ZNF500: variants seen among roughly 807,000 people sequenced by gnomAD.
The protein encoded by ZNF500 is zinc finger protein 500, also known as zinc finger protein with KRAB and SCAN domains 18.
ZNF500 carries 31 observed loss-of-function variants against 30.1 expected under a neutral mutation model. That is an observed-to-expected ratio of 1.03 (90% confidence interval 0.77 to 1.39). The LOEUF (loss-of-function observed/expected upper bound fraction) is 1.39, where lower values mean the gene tolerates loss of function less well. ZNF500 is among the 40% of genes most tolerant of loss of function. The probability of loss-of-function intolerance (pLI) is 0.00; values close to 1 mark genes in which losing one functional copy is unlikely to be tolerated. For synonymous variants in ZNF500, 392 were observed against 282.0 expected (o/e 1.39, Z -3.91); for missense variants, 817 against 657.8 (o/e 1.24, Z -2.65).
downstream of ZNF500, among the ~76,000 whole-genome samples, chr16:4,745,549 C>T (rs1429470791): frequency 6.6e-6 from 1 of 152,238 alleles, no homozygotes; most frequent in African/African-American, 2.4e-5. Flanking sequence ...GCCTGCCCTC[C>T]CCACACTTTG....
In ZNF500 at chr16:4,752,075, C is replaced by G; in HGVS notation, c.*301G>C. On this transcript the variant is annotated 3_prime_UTR_variant, in exon 6 of 6. Coordinates refer to ENST00000219478, the MANE Select transcript of ZNF500 (RefSeq NM_021646.4). Reference sequence around the variant, plus strand: ...TCCCAGGCCCTTCAGGAGCCAGCCCCACGAACACCTTGAGTGTCGGCTTCT... The same window carrying G: ...TCCCAGGCCCTTCAGGAGCCAGCCCGACGAACACCTTGAGTGTCGGCTTCT... The G allele has an allele frequency of 1.0e-5, 13 of 1,306,460 alleles. No individual in the cohort carries two copies. The highest frequency in any genetic ancestry group is 1.3e-5 in the Non-Finnish European group (13 of 1,030,530). The allele number at this position is 1,306,460 out of a possible 1,614,324, so 80.9% of individuals were successfully genotyped here. A position where few individuals can be genotyped will look rare whatever the true frequency, so the allele number is the denominator to read the frequency against.
downstream of ZNF500, chr16:4,747,550 G>A (rs750677403): frequency 6.8e-6 from 11 of 1,612,498 alleles, no homozygotes; most frequent in East Asian, 2.2e-5. Context: ...CAAGAGGCAG[G>A]CCCAGAGCCC....
chr16:4,758,587 C>T (rs2082163429), intron 5 of ZNF500: 1 of 152,194 alleles, frequency 6.6e-6, no homozygotes, highest in South Asian at 2.1e-4. Flanking sequence ...CTGTGCACCG[C>T]AGGAGGTTGG....
At chr16:4,759,214 C>CA (rs1182056296) in intron 5 of ZNF500, among the ~76,000 whole-genome samples, 11,426 of 110,878 alleles carry the variant, frequency 0.1, 1,487 homozygotes, top group African/African-American at 0.32. Flanking sequence ...GACTTCATCT[C>CA]AAAAAAAAAA....
downstream of ZNF500, chr16:4,747,364 G>GCTT: frequency 6.3e-7 from 1 of 1,589,348 alleles, no homozygotes; most frequent in Non-Finnish European, 8.6e-7. Context: ...GGAAAAGCCA[G>GCTT]CTTCTCCAGC....
chr16:4,746,951 T>A (rs2082024613), downstream of ZNF500: 1 of 1,464,342 alleles, frequency 6.8e-7, no homozygotes, highest in African/African-American at 1.4e-5. Flanking sequence ...CCTCTGACAG[T>A]GAGGAGGAGG....
rs996552719 is a variant in ZNF500 at position 4,749,411 on chromosome 16, G to A, written c.*2965C>T. On this transcript the variant is annotated 3_prime_UTR_variant, in exon 6 of 6. Coordinates refer to ENST00000219478, the MANE Select transcript of ZNF500 (RefSeq NM_021646.4). ...TCCAAGTTCAACTCTGAATTACTGTGTCTGTCAAGGCAAGGGGAGTGAGGT... is the reference window on the plus strand; with the variant it reads ...TCCAAGTTCAACTCTGAATTACTGTATCTGTCAAGGCAAGGGGAGTGAGGT... 3 of 154,548 alleles carry A rather than the reference G, an allele frequency of 1.9e-5. No individual in the cohort carries two copies. The highest frequency in any genetic ancestry group is 2.9e-5 in the Non-Finnish European group (2 of 68,230). 9.6% of individuals were successfully genotyped at this position (154,548 alleles called of 1,614,324 possible).
Position 4,752,467 on chromosome 16 carries a change from T to C in ZNF500, c.1352A>G (p.Asp451Gly). ...ACGRGFRRGT[D>G]LHKHQRTHMG... ...GTGGGTCCGCTGGTGCTTGTGCAGG[T>C]CGGTGCCCCGGCGGAAGCCCCGGCC... is the stretch of plus-strand genomic sequence containing the variant. Residue 451 changes from aspartate to glycine, a missense_variant, in exon 6 of 6, where the codon GAC becomes GGC. Physicochemically the swap from Asp to Gly is moderately conservative, Grantham distance 94 (BLOSUM62 -1). Coordinates refer to ENST00000219478, the MANE Select transcript of ZNF500 (RefSeq NM_021646.4). 6.5e-7 allele frequency: 1 copy of C among 1,543,884 alleles called. No homozygotes were observed. The highest frequency in any genetic ancestry group is 8.7e-7 in the Non-Finnish European group (1 of 1,149,454).
intron 2 of ZNF500, among the ~76,000 whole-genome samples, 185 bp downstream of exon 2, chr16:4,765,380 G>C (rs1406882360): frequency 6.6e-6 from 1 of 152,196 alleles, no homozygotes; most frequent in African/African-American, 2.4e-5. Context: ...GGGGTAGGAT[G>C]AGGTTAATCA....
chr16:4,751,427 G>T lies in ZNF500; in HGVS notation c.*949C>A. On this transcript the variant is annotated 3_prime_UTR_variant, in exon 6 of 6. Transcript: ENST00000219478. Reference sequence around the variant, plus strand: ...CCGTCACATCCCAGGCAACATGTCAGGAAGATGGAACTCAGGGGTGCTTTC... The same window carrying T: ...CCGTCACATCCCAGGCAACATGTCATGAAGATGGAACTCAGGGGTGCTTTC... 1.4e-6 allele frequency: 1 copy of T among 718,190 alleles called. No homozygotes were observed. Among genetic ancestry groups the T allele is most frequent in the Admixed American group, 3.0e-5 (1 of 32,966 alleles). 44.5% of individuals were successfully genotyped at this position (718,190 alleles called of 1,614,324 possible).
Position 4,751,373 on chromosome 16 carries a change from T to C in ZNF500, c.*1003A>G, listed in dbSNP as rs1596492655. 1.8e-6 allele frequency: 1 copy of C among 557,974 alleles called. No individual in the cohort carries two copies. Among genetic ancestry groups the C allele is most frequent in the Non-Finnish European group, 3.1e-6 (1 of 317,734 alleles). 34.6% of individuals were successfully genotyped at this position (557,974 alleles called of 1,614,324 possible). ...AAGGGGCCAGGAGCAAACGCAGCCCTGGGCCCCGGCCCTGGGGAGATGTCA... is the reference window on the plus strand; with the variant it reads ...AAGGGGCCAGGAGCAAACGCAGCCCCGGGCCCCGGCCCTGGGGAGATGTCA... On this transcript the variant is annotated 3_prime_UTR_variant, in exon 6 of 6. Coordinates refer to ENST00000219478, the MANE Select transcript of ZNF500 (RefSeq NM_021646.4).
chr16:4,764,137 G>C, intron 2 of ZNF500: 2 of 977,420 alleles, frequency 2.0e-6, no homozygotes, highest in Non-Finnish European at 2.4e-6. Context: ...GTGTCAGAAG[G>C]GTCCTGTCTG....
chr16:4,747,308 C>T (rs376752805), downstream of ZNF500: 778 of 1,525,670 alleles, frequency 5.1e-4, no homozygotes, highest in Middle Eastern at 8.9e-4. Flanking sequence ...GCGGCCCCCA[C>T]GGGGTTGAGT....
intron 5 of ZNF500, among the ~76,000 whole-genome samples, chr16:4,755,559 C>G (rs1245611553): frequency 6.6e-6 from 1 of 152,146 alleles, no homozygotes; most frequent in Non-Finnish European, 1.5e-5. Context: ...TCAGGTGACC[C>G]AACCGCCTTG....
At chr16:4,744,956 C>G (rs61231109), downstream of ZNF500, 2 of 1,613,900 alleles carry the variant, frequency 1.2e-6, no homozygotes, top group East Asian at 2.2e-5. Flanking sequence ...TGCTTGTGCC[C>G]GGAAGGTGCC....
downstream of ZNF500, among the ~76,000 whole-genome samples, chr16:4,745,938 G>A (rs370692264): frequency 7.4e-6 from 1 of 134,240 alleles, no homozygotes; most frequent in Admixed American, 8.2e-5. Context: ...GGGCGACAGA[G>A]CAAGACTCTG....
chr16:4,758,818 G>A (rs539898018), intron 5 of ZNF500, among the ~76,000 whole-genome samples: 17 of 152,046 alleles, frequency 1.1e-4, no homozygotes, highest in South Asian at 2.1e-4. Context: ...GGCAACAAAA[G>A]AAAAAAACGA....
In ZNF500 at chr16:4,763,235, T is replaced by C. The variant is rs545285887; in HGVS notation, c.415-479A>G. ...CAACATGGTGAAACCCCATCTCTACTAAAAATACAAAAATTAGCCAGGCAT... is the reference window on the plus strand; with the variant it reads ...CAACATGGTGAAACCCCATCTCTACCAAAAATACAAAAATTAGCCAGGCAT... On this transcript the variant is annotated intron_variant, in intron 2 of 5. Transcript: ENST00000219478. 1.6e-3 allele frequency: 891 copies of C among 565,940 alleles called. 1 individual carries two copies. Among genetic ancestry groups the C allele is most frequent in the Non-Finnish European group, 1.7e-3 (773 of 447,136 alleles). 35.1% of individuals were successfully genotyped at this position (565,940 alleles called of 1,614,324 possible).
intron 4 of ZNF500, among the ~76,000 whole-genome samples, chr16:4,761,355 G>A (rs1035714687): frequency 1.3e-5 from 2 of 151,312 alleles, no homozygotes; most frequent in African/African-American, 4.9e-5. Flanking sequence ...CAGGAAAATC[G>A]CTTGAACCCG....
Sources: gnomAD v4.1 joint callset for allele counts (sites outside exome capture counted in the v4.1 genomes callset) on GRCh38, gnomAD v4.1.1 for gene constraint, MANE v1.5 for transcripts, NCBI Gene and HGNC (gene_info 2026-07-23, HGNC 2026-07-21) for gene names.